Variants in THSD1 observed in about 807,000 individuals in gnomAD.
THSD1 encodes thrombospondin type 1 domain containing 1.
A neutral mutation model predicts 46.3 loss-of-function variants in THSD1; 34 were observed. The ratio of observed to expected loss-of-function variants is 0.74; its 90% CI spans 0.56 to 0.98. The LOEUF is 0.98. Ranked by LOEUF, THSD1 falls within the 50% of genes least tolerant of loss-of-function variation. The pLI, the probability that THSD1 is intolerant of heterozygous loss-of-function variation, is 0.00. For missense variants in THSD1, 1,023 were observed against 1,058.3 expected (o/e 0.97, Z 0.46); for synonymous variants, 407 against 416.5 (o/e 0.98, Z 0.28).
In THSD1 at chr13:52,377,884, T is replaced by C. The variant is rs763466370; in HGVS notation, c.2086A>G (p.Arg696Gly). 1 of 1,614,204 alleles carries C rather than the reference T, an allele frequency of 6.2e-7. No individual in the cohort carries two copies. Among genetic ancestry groups the C allele is most frequent in the South Asian group, 1.1e-5 (1 of 91,084 alleles). Residue 696 changes from arginine (R) to glycine (G), a missense_variant, in exon 5 of 5, where the codon AGG (arginine) becomes GGG (glycine). By Grantham distance (125) the Arg-to-Gly change is moderately radical (BLOSUM62 -2). Around this residue, in one of 3 missense-constraint regions of THSD1, gnomAD observed 578 missense variants for 497.4 expected, o/e 1.16. Transcript: ENST00000258613. ...AGGTGGGCACCTCGACTCTGAGGCC[T>C]AAATCTGTCCTCTGCCTGCTCGCAG... ...RTCEQAEDRF[R>G]PQSRGAHLFP...
intron 2 of THSD1, 135 bp downstream of exon 2, chr13:52,402,408 T>C: frequency 1.7e-6 from 1 of 581,734 alleles, no homozygotes; most frequent in Non-Finnish European, 2.8e-6. Context: ...GTTGCAAGGG[T>C]CACAGTTGAG....
At chr13:52,402,850 T>C (rs2137751291) in intron 1 of THSD1, 169 bp from the exon 2 acceptor site, 1 of 981,526 alleles carries the variant, frequency 1.0e-6, no homozygotes, top group Non-Finnish European at 1.2e-6. Context: ...TATACAAGCC[T>C]TTTTCATTCC....
At chr13:52,396,068 G>A (rs1957808035) in intron 3 of THSD1, among the ~76,000 whole-genome samples, 1 of 152,152 alleles carries the variant, frequency 6.6e-6, no homozygotes, top group Non-Finnish European at 1.5e-5. Flanking sequence ...AATCTAAGCT[G>A]GATAGAAAAG....
In THSD1 at chr13:52,379,508, G is replaced by C. The variant is rs545644095; in HGVS notation, c.1181-719C>G. Among the ~76,000 whole-genome samples, 10 of 151,260 alleles carry C rather than the reference G, an allele frequency of 6.6e-5. No homozygotes were observed. In the South Asian group the frequency reaches 2.1e-3, roughly 32 times the overall value. On this transcript the variant is annotated intron_variant, in intron 4 of 4. Coordinates refer to ENST00000258613, the MANE Select transcript of THSD1 (RefSeq NM_018676.4). ...TTGTTTTGAGACGGAGTCTTGCTCT[G>C]TCGCCCAGGATGGAGCACAGTGGCA...
chr13:52,390,742 T>C (rs1957767182), intron 3 of THSD1, among the ~76,000 whole-genome samples: 1 of 152,204 alleles, frequency 6.6e-6, no homozygotes, highest in South Asian at 2.1e-4. Context: ...AGTCAATATA[T>C]AGTTTATCCT....
intron 3 of THSD1, among the ~76,000 whole-genome samples, chr13:52,386,466 G>GA (rs1026773130): frequency 6.6e-6 from 1 of 152,138 alleles, no homozygotes; most frequent in Admixed American, 6.5e-5. Flanking sequence ...ATCTTCCAAG[G>GA]AAAAATGAGA....
intron 3 of THSD1, among the ~76,000 whole-genome samples, chr13:52,394,579 A>G (rs1301526166): frequency 6.6e-6 from 1 of 151,038 alleles, no homozygotes; most frequent in Non-Finnish European, 1.5e-5. Flanking sequence ...GTGCCACTGC[A>G]CTCCAGCCTG....
intron 1 of THSD1, among the ~76,000 whole-genome samples, chr13:52,405,660 C>T (rs193078206): frequency 7.9e-5 from 12 of 152,320 alleles, no homozygotes; most frequent in African/African-American, 2.6e-4. Flanking sequence ...TTAATGAGGA[C>T]CGTCTTTAAT....
At chr13:52,398,844 G>A (rs1191685222) in intron 2 of THSD1, among the ~76,000 whole-genome samples, 1 of 152,150 alleles carries the variant, frequency 6.6e-6, no homozygotes, top group African/African-American at 2.4e-5. Flanking sequence ...TGGGGAAAAT[G>A]GATATACAGT....
At chr13:52,382,293 C>T (rs1178949721) in intron 4 of THSD1, among the ~76,000 whole-genome samples, 2 of 152,204 alleles carry the variant, frequency 1.3e-5, no homozygotes, top group African/African-American at 2.4e-5. Flanking sequence ...ATCCTTCATG[C>T]TCCCTCTCCA....
intron 4 of THSD1, chr13:52,384,420 C>T (rs1350975077): frequency 4.4e-6 from 2 of 455,828 alleles, no homozygotes; most frequent in Admixed American, 2.4e-5. Flanking sequence ...CCACAGGGTC[C>T]TCATCTGCAA....
intron 1 of THSD1, among the ~76,000 whole-genome samples, chr13:52,405,766 G>C (rs566165341): frequency 1.1e-4 from 16 of 152,196 alleles, no homozygotes; most frequent in South Asian, 2.1e-4. Flanking sequence ...TCAAGGTTCT[G>C]TGGCCAGTCT....
chr13:52,387,862 T>C (rs999829601), intron 3 of THSD1, among the ~76,000 whole-genome samples: 3 of 152,140 alleles, frequency 2.0e-5, no homozygotes, highest in African/African-American at 7.2e-5. Context: ...GTAATTGGAA[T>C]ACCAGGAGAA....
chr13:52,386,013 A>G lies in THSD1; in HGVS notation c.1180+15T>C, dbSNP rs773886242. ...GCTCTGAGGAGAGACTCCCGAAGGA[A>G]GCAAGAATACCTACCAGCACACTCC... is the stretch of plus-strand genomic sequence containing the variant. On this transcript the variant is annotated intron_variant, in intron 4 of 4. Coordinates refer to ENST00000258613, the MANE Select transcript of THSD1 (RefSeq NM_018676.4). 12 of 1,612,268 alleles carry G rather than the reference A, an allele frequency of 7.4e-6. No homozygotes were observed. The Admixed American group carries it at 2.0e-4, about 27-fold the overall frequency.
chr13:52,387,652 TATTAGA>T (rs2137732364), intron 3 of THSD1, among the ~76,000 whole-genome samples: 1 of 152,220 alleles, frequency 6.6e-6, no homozygotes, highest in African/African-American at 2.4e-5. Context: ...CAAATGGAAA[TATTAGA>T]ATTTTAAAAT....
At chr13:52,404,731 A>C (rs1024718778) in intron 1 of THSD1, among the ~76,000 whole-genome samples, 19 of 152,346 alleles carry the variant, frequency 1.2e-4, no homozygotes, top group African/African-American at 4.3e-4. Flanking sequence ...AACTAAGAAG[A>C]AGCAAGCTCC....
rs551290422 is a variant in THSD1, at chr13:52,388,966, CT to C, written c.1022-2781del. Among the ~76,000 whole-genome samples, 522 of 144,224 alleles carry C rather than the reference CT, an allele frequency of 3.6e-3. 5 individuals are homozygous for C. Among genetic ancestry groups the C allele is most frequent in the East Asian group, 5.9e-3 (29 of 4,918 alleles). The allele number at this position is 144,224 out of a possible 152,430, so 94.6% of individuals were successfully genotyped here. ...ACTCTAGGACAACCACTAAATAACA[CT>C]TTTTTTTTTTTTGAGACAGATCTTG... On this transcript the variant is annotated intron_variant, in intron 3 of 4. Transcript: ENST00000258613.
At chr13:52,382,487 T>A (rs1957700855) in intron 4 of THSD1, among the ~76,000 whole-genome samples, 1 of 152,176 alleles carries the variant, frequency 6.6e-6, no homozygotes, top group East Asian at 1.9e-4. Context: ...GGTCCCAACC[T>A]TCAAGGCCCC....
chr13:52,398,226 A>G (rs973102737), intron 2 of THSD1, 32 bp from the exon 3 acceptor site: 3 of 1,579,706 alleles, frequency 1.9e-6, no homozygotes, highest in Non-Finnish European at 2.6e-6. Context: ...TGGTTTTTAA[A>G]AGGTGCATTT....
Sources: gnomAD v4.1 joint callset for allele counts (sites outside exome capture counted in the v4.1 genomes callset) on GRCh38, gnomAD v4.1.1 for gene constraint, gnomAD v4.1.1 regional missense constraint, MANE v1.5 for transcripts, NCBI Gene and HGNC (gene_info 2026-07-23, HGNC 2026-07-21) for gene names.